ITGA4: variants seen among roughly 807,000 people sequenced by gnomAD.
ITGA4 encodes the protein integrin alpha-4.
A neutral mutation model predicts 133.6 loss-of-function variants in ITGA4; 63 were observed. That is an observed-to-expected ratio of 0.47 (90% CI 0.38 to 0.58). The LOEUF is 0.58. Among genes scored for constraint, ITGA4 ranks in the 20% least tolerant of loss-of-function variants. The probability of loss-of-function intolerance (pLI) is 0.00; values close to 1 mark genes in which losing one functional copy is unlikely to be tolerated. For synonymous variants in ITGA4, 483 were observed against 438.0 expected (o/e 1.10, Z -1.28); for missense variants, 1,076 against 1,252.7 (o/e 0.86, Z 2.13).
intron 26 of ITGA4, 92 bp downstream of exon 26, chr2:181,534,462 G>A: frequency 1.2e-6 from 1 of 814,276 alleles, no homozygotes; most frequent in Middle Eastern, 2.3e-4. Flanking sequence ...AACTGAGTTG[G>A]GAAAGTAGAG....
intron 26 of ITGA4, 144 bp downstream of exon 26, chr2:181,534,514 T>A: frequency 1.5e-6 from 1 of 650,934 alleles, no homozygotes; most frequent in South Asian, 2.0e-5. Context: ...TGGTTGAGAG[T>A]TGGCATTTTC....
At chr2:181,524,117 A>G in intron 19 of ITGA4, 54 bp from the exon 20 acceptor site, 1 of 1,209,648 alleles carries the variant, frequency 8.3e-7, no homozygotes, top group South Asian at 1.4e-5. Flanking sequence ...TTCAGATTAT[A>G]AAAAATGTAC....
At chr2:181,466,038 A>G (rs1361624130) in intron 2 of ITGA4, among the ~76,000 whole-genome samples, 4 of 152,168 alleles carry the variant, frequency 2.6e-5, no homozygotes, top group African/African-American at 9.7e-5. Context: ...TTATGCTTAC[A>G]AAATGTATCA....
chr2:181,480,018 A>C, intron 5 of ITGA4, 119 bp from the exon 6 acceptor site: 1 of 616,176 alleles, frequency 1.6e-6, no homozygotes, highest in Non-Finnish European at 2.5e-6. Flanking sequence ...TTCACAGAAT[A>C]TTCCTACTTC....
intron 6 of ITGA4, among the ~76,000 whole-genome samples, chr2:181,481,273 C>T (rs1240132370): frequency 1.3e-5 from 2 of 152,026 alleles, no homozygotes; most frequent in East Asian, 1.9e-4. Context: ...TTTCATTTCC[C>T]AATTGAGATT....
At chr2:181,486,122 T>TC in intron 10 of ITGA4, 130 bp downstream of exon 10, 1 of 1,263,338 alleles carries the variant, frequency 7.9e-7, no homozygotes, top group South Asian at 1.7e-5. Context: ...CTAAGTTTTT[T>TC]CTTTTCTTTA....
rs200701000 is a variant in ITGA4, at chr2:181,537,369, C to A, written c.*1842C>A. ...AGGCCTCTCAGATACAAGGGGAACA[C>A]AATTACATATTGGGCTAGATTTTGC... On this transcript the variant is annotated 3_prime_UTR_variant, in exon 28 of 28. Transcript: ENST00000397033. 13 of 453,664 alleles carry A rather than the reference C, an allele frequency of 2.9e-5. No individual in the cohort carries two copies. Among genetic ancestry groups the A allele is most frequent in the African/African-American group, 2.6e-4 (13 of 49,968 alleles). 28.1% of individuals were successfully genotyped at this position (453,664 alleles called of 1,614,324 possible).
intron 2 of ITGA4, chr2:181,458,779 TAAAA>T (rs5836789): frequency 6.7e-6 from 1 of 150,240 alleles, no homozygotes; most frequent in African/African-American, 2.5e-5. Context: ...CCTAAAGGCC[TAAAA>T]AAAAAAGTGA....
At position 181,495,480 on chromosome 2, in the gene ITGA4, GTGT is replaced by G; in HGVS notation, c.1385+66_1385+68del. On this transcript the variant is annotated intron_variant, in intron 13 of 27. Coordinates refer to ENST00000397033, the MANE Select transcript of ITGA4 (RefSeq NM_000885.6). The surrounding 1 kb of genome is among the most constrained non-coding windows in gnomAD (Gnocchi z 4.3). The stretch of plus-strand genomic sequence containing the variant: ...TTTAATTGTAAAATGATGGGAGGTG[GTGT>G]TTAAAATCAGCAGTGGTAGTGACCT... 8.2e-7 allele frequency: 1 copy of G among 1,224,172 alleles called. No individual in the cohort carries two copies. The highest frequency in any genetic ancestry group is 1.2e-5 in the South Asian group (1 of 82,636). 75.8% of individuals were successfully genotyped at this position (1,224,172 alleles called of 1,614,324 possible).
chr2:181,511,107 T>C (rs1037624), intron 16 of ITGA4, among the ~76,000 whole-genome samples: 38,283 of 151,822 alleles, frequency 0.25, 5,302 homozygotes, highest in Non-Finnish European at 0.31. Flanking sequence ...CTCTCCCCAT[T>C]TTTTCCTTTT....
chr2:181,535,600 C>T lies in ITGA4; in HGVS notation c.*73C>T, dbSNP rs200558087. ...AAAGAAATTTAAAAGACACTGTTTA[C>T]AAGAAAAAATGAATTTTGTTTGGAC... On this transcript the variant is annotated 3_prime_UTR_variant, in exon 28 of 28. Coordinates refer to ENST00000397033, the MANE Select transcript of ITGA4 (RefSeq NM_000885.6). 11 of 1,496,906 alleles carry T rather than the reference C, an allele frequency of 7.3e-6. No individual in the cohort carries two copies. In the African/African-American group the frequency reaches 8.4e-5, roughly 11 times the overall value. The allele number at this position is 1,496,906 out of a possible 1,614,324, so 92.7% of individuals were successfully genotyped here.
chr2:181,494,864 A>G, intron 12 of ITGA4, 52 bp downstream of exon 12: 1 of 918,808 alleles, frequency 1.1e-6, no homozygotes, highest in East Asian at 2.4e-5. Flanking sequence ...TCTATCATAG[A>G]TACTGCTTTA....
At chr2:181,507,100 AATT>A (rs1686409444) in intron 15 of ITGA4, among the ~76,000 whole-genome samples, 1 of 152,120 alleles carries the variant, frequency 6.6e-6, no homozygotes, top group African/African-American at 2.4e-5. Flanking sequence ...CTGAGCCTTA[AATT>A]ATTAGTATGA....
At chr2:181,499,873 G>A (rs755825486) in intron 15 of ITGA4, among the ~76,000 whole-genome samples, 1 of 152,148 alleles carries the variant, frequency 6.6e-6, no homozygotes, top group Non-Finnish European at 1.5e-5. Flanking sequence ...AACATTAGAT[G>A]TTCACAAAGA....
In ITGA4 at chr2:181,467,402, G is replaced by A. The variant is rs556939788; in HGVS notation, c.320-7558G>A. 2.5e-4 allele frequency among the ~76,000 whole-genome samples: 38 copies of A among 152,244 alleles called. No homozygotes were observed. In the South Asian group the frequency reaches 7.3e-3, roughly 29 times the overall value. On this transcript the variant is annotated intron_variant, in intron 2 of 27. Coordinates refer to ENST00000397033, the MANE Select transcript of ITGA4 (RefSeq NM_000885.6). ...GGTGGGGAAGTGACAGTACGATGAC[G>A]CAGGTAGATAAAGCAGGCATTTACT...
Position 181,524,403 on chromosome 2 carries a change from A to T in ITGA4, c.2249+153A>T, listed in dbSNP as rs1686791109. ...TAAAAGAACCAAACAACATAGTTAA[A>T]TGGGAGTTACTGGCAATGTTTTAGC... On this transcript the variant is annotated intron_variant, in intron 20 of 27. Transcript: ENST00000397033. 6 of 514,076 alleles carry T rather than the reference A, an allele frequency of 1.2e-5. No individual in the cohort carries two copies. The South Asian group carries it at 1.8e-4, about 15-fold the overall frequency. 31.8% of individuals were successfully genotyped at this position (514,076 alleles called of 1,614,324 possible). A position where few individuals can be genotyped will look rare whatever the true frequency, so the allele number is the denominator to read the frequency against.
intron 24 of ITGA4, 88 bp downstream of exon 24, chr2:181,530,737 C>T (rs1686928004): frequency 2.6e-6 from 3 of 1,170,244 alleles, no homozygotes; most frequent in Non-Finnish European, 2.5e-6. Flanking sequence ...TGAGCTGTCA[C>T]TTCAATAATA....
In ITGA4 at chr2:181,509,803, A is replaced by T. The variant is rs746273008; in HGVS notation, c.1841A>T (p.Lys614Ile). ...QQKKEKDIMKKTINFARFCAH... is the reference protein window; with the variant it reads ...QQKKEKDIMKITINFARFCAH... ...AAGAAAGAAAAAGACATAATGAAAA[A>T]AACAGTAGGAATATTTTCCTTTATT... Residue 614 changes from lysine (K) to isoleucine (I), a missense_variant, in exon 16 of 28, where the codon AAA becomes ATA. By Grantham distance (102) the Lys-to-Ile change is moderately radical (BLOSUM62 -3). Around this residue, in one of 4 missense-constraint regions of ITGA4, gnomAD observed 365 missense variants for 421.4 expected, o/e 0.87. Coordinates refer to ENST00000397033, the MANE Select transcript of ITGA4 (RefSeq NM_000885.6). The T allele has an allele frequency of 1.2e-6, 2 of 1,601,238 alleles. No homozygotes were observed. The highest frequency in any genetic ancestry group is 2.7e-5 in the African/African-American group (2 of 74,272).
In ITGA4 at chr2:181,524,248, C is replaced by G; in HGVS notation, c.2247C>G (p.Thr749=). 1 of 1,540,642 alleles carries G rather than the reference C, an allele frequency of 6.5e-7. No homozygotes were observed. The highest frequency in any genetic ancestry group is 1.7e-4 in the Middle Eastern group (1 of 5,876). The change falls in exon 20 of 28, where the codon ACC becomes ACG. Residue 749 remains threonine, a splice_region_variant and synonymous_variant. Coordinates refer to ENST00000397033, the MANE Select transcript of ITGA4 (RefSeq NM_000885.6). ...ACCTCAGTATCACAGTGCATGCTACCTGGTATAATTTATTGTTAATAAAAT... is the reference window on the plus strand; with the variant it reads ...ACCTCAGTATCACAGTGCATGCTACGTGGTATAATTTATTGTTAATAAAAT... ...EEDLSITVHA[T]CENEEEMDNL...
Sources: gnomAD v4.1 joint callset for allele counts (sites outside exome capture counted in the v4.1 genomes callset) on GRCh38, gnomAD v4.1.1 for gene constraint, gnomAD v4.1.1 regional missense constraint, Gnocchi (gnomAD v3.1) non-coding constraint, MANE v1.5 for transcripts, NCBI Gene and HGNC (gene_info 2026-07-23, HGNC 2026-07-21) for gene names.